DVL3: variants seen among roughly 807,000 people sequenced by gnomAD.
DVL3 encodes the protein dishevelled segment polarity protein 3, also known as segment polarity protein dishevelled homolog DVL-3.
DVL3 carries 27 observed loss-of-function variants against 67.4 expected under a neutral mutation model. The observed-to-expected ratio is 0.40, with a 90% CI of 0.30 to 0.55. The LOEUF is 0.55. Ranked by LOEUF, DVL3 falls within the 20% of genes least tolerant of loss-of-function variation. The pLI is 0.46. For synonymous variants in DVL3, 369 were observed against 396.8 expected, an observed-to-expected ratio of 0.93 and a Z score of 0.83; for missense variants, 819 against 1,021.5, an observed-to-expected ratio of 0.80 and a Z score of 2.70.
At position 184,166,516 on chromosome 3, in the gene DVL3, A is replaced by T; in HGVS notation, c.974A>T (p.Lys325Ile). 1 of 1,614,128 alleles carries T rather than the reference A, an allele frequency of 6.2e-7. No homozygotes were observed. Among genetic ancestry groups the T allele is most frequent in the Non-Finnish European group, 8.5e-7 (1 of 1,180,006 alleles). ...CGGGTACTGCGGGAGATTGTGCACA[A>T]ACCGGGGTATGGATGGAATGGGGCA... ...AVRVLREIVH[K>I]PGPITLTVAK... Residue 325 changes from lysine (K) to isoleucine (I), a missense_variant, in exon 9 of 15, where the codon AAA becomes ATA. Transcript: ENST00000313143. The surrounding 1 kb of genome is among the most constrained non-coding windows in gnomAD (Gnocchi z 6.7).
rs1714479596 is a variant in DVL3, at chr3:184,164,200, G to T, written c.232-67G>T. On this transcript the variant is annotated intron_variant, in intron 2 of 14. Transcript: ENST00000313143. The surrounding 1 kb of genome is among the most constrained non-coding windows in gnomAD (Gnocchi z 5.3). ...CCTCTTAGGCCTTCATGCCTTGCTGGAAGTGAACTATCCCCTTCTCCTTGA... is the reference window on the plus strand; with the variant it reads ...CCTCTTAGGCCTTCATGCCTTGCTGTAAGTGAACTATCCCCTTCTCCTTGA... The T allele has an allele frequency of 6.4e-7, 1 of 1,566,860 alleles. No homozygotes were observed. The highest frequency in any genetic ancestry group is 2.3e-5 in the East Asian group (1 of 44,348).
chr3:184,171,693 CA>C lies in DVL3; in HGVS notation c.*939del, dbSNP rs1714845778. On this transcript the variant is annotated 3_prime_UTR_variant, in exon 15 of 15. Transcript: ENST00000313143. Reference sequence around the variant, plus strand: ...CCCAAGGATGTCCAGCCCCCACACCCACACGTTAACATAATGAGTCACTAGG... The same window carrying C: ...CCCAAGGATGTCCAGCCCCCACACCCCACGTTAACATAATGAGTCACTAGG... 2.9e-6 allele frequency: 2 copies of C among 690,166 alleles called. No homozygotes were observed. The highest frequency in any genetic ancestry group is 1.9e-5 in the African/African-American group (1 of 51,346). 42.8% of individuals were successfully genotyped at this position (690,166 alleles called of 1,614,324 possible).
chr3:184,165,581 G>A lies in DVL3; in HGVS notation c.763+90G>A. On this transcript the variant is annotated intron_variant, in intron 7 of 14. Coordinates refer to ENST00000313143, the MANE Select transcript of DVL3 (RefSeq NM_004423.4). This position sits in a 1 kb window ranked among gnomAD's most constrained non-coding sequence, Gnocchi z 4.1. ...TCAGAGAGCGTAGAATATGTTCCCT[G>A]CCCTCAAGGAGCTCTCTTTCGTAAA... The A allele has an allele frequency of 7.0e-6, 8 of 1,150,800 alleles. No individual in the cohort carries two copies. The Admixed American group carries it at 7.2e-5, about 10-fold the overall frequency. The allele number at this position is 1,150,800 out of a possible 1,614,324, so 71.3% of individuals were successfully genotyped here. A position where few individuals can be genotyped will look rare whatever the true frequency, so the allele number is the denominator to read the frequency against.
chr3:184,169,515 C>G (rs1560120465), intron 13 of DVL3, among the ~76,000 whole-genome samples: 1 of 151,868 alleles, frequency 6.6e-6, no homozygotes. Flanking sequence ...GCTAACGTGG[C>G]AAAACCCTGT....
At position 184,165,272 on chromosome 3, in the gene DVL3, G is replaced by A; in HGVS notation, c.693+66G>A. The stretch of plus-strand genomic sequence containing the variant: ...GTGAGCCCTTCCTACGCAGGGCCAA[G>A]GCTTGTTCTTCCTTAGATCCCATCC... On this transcript the variant is annotated intron_variant, in intron 6 of 14. Coordinates refer to ENST00000313143, the MANE Select transcript of DVL3 (RefSeq NM_004423.4). This position sits in a 1 kb window ranked among gnomAD's most constrained non-coding sequence, Gnocchi z 4.1. The A allele has an allele frequency of 6.5e-7, 1 of 1,550,046 alleles. No homozygotes were observed. The highest frequency in any genetic ancestry group is 8.8e-7 in the Non-Finnish European group (1 of 1,139,784).
At chr3:184,158,742 C>T (rs536158670) in intron 1 of DVL3, among the ~76,000 whole-genome samples, 4 of 151,788 alleles carry the variant, frequency 2.6e-5, no homozygotes, top group Non-Finnish European at 5.9e-5. Context: ...ATTTGTCAAG[C>T]TCAGGGTAGG....
rs1714471272 is a variant in DVL3 at position 184,163,980 on chromosome 3, G to A, written c.231+254G>A. Among the ~76,000 whole-genome samples the A allele has an allele frequency of 6.6e-6, 1 of 152,042 alleles. No homozygotes were observed. The highest frequency in any genetic ancestry group is 2.4e-5 in the African/African-American group (1 of 41,394). Reference sequence around the variant, plus strand: ...CGTTTCCTATGCCGTTCAGACACTTGCCTCAGATTTCCTTCTGCCATCTGC... The same window carrying A: ...CGTTTCCTATGCCGTTCAGACACTTACCTCAGATTTCCTTCTGCCATCTGC... On this transcript the variant is annotated intron_variant, in intron 2 of 14. Coordinates refer to ENST00000313143, the MANE Select transcript of DVL3 (RefSeq NM_004423.4). This position sits in a 1 kb window ranked among gnomAD's most constrained non-coding sequence, Gnocchi z 4.5.
chr3:184,160,502 A>G (rs1714342738), intron 1 of DVL3, among the ~76,000 whole-genome samples: 1 of 151,542 alleles, frequency 6.6e-6, no homozygotes, highest in Non-Finnish European at 1.5e-5. Context: ...TTGGAATTTG[A>G]GTCATTATTT....
At chr3:184,160,682 C>G (rs973833924) in intron 1 of DVL3, among the ~76,000 whole-genome samples, 1 of 152,098 alleles carries the variant, frequency 6.6e-6, no homozygotes, top group Non-Finnish European at 1.5e-5. Flanking sequence ...TGTCGATGAC[C>G]CCCAGAAAGA....
chr3:184,164,305 C>T lies in DVL3; in HGVS notation c.270C>T (p.Pro90=), dbSNP rs545608557. 7 of 1,614,202 alleles carry T rather than the reference C, an allele frequency of 4.3e-6. No homozygotes were observed. The highest frequency in any genetic ancestry group is 1.1e-5 in the South Asian group (1 of 91,090). The change falls in exon 3 of 15, where the codon CCC becomes CCT. Residue 90 remains proline (P), a synonymous_variant. Transcript: ENST00000313143. This position sits in a 1 kb window ranked among gnomAD's most constrained non-coding sequence, Gnocchi z 5.3. ...AGGGCTCACACCCAGACCCAGCCCC[C>T]TTCTGTGCTGATAACCCATCGGAGC... The part of the protein sequence containing the change: ...SAEGSHPDPA[P]FCADNPSELP...
In DVL3 at chr3:184,165,262, G is replaced by A. The variant is rs558679891; in HGVS notation, c.693+56G>A. On this transcript the variant is annotated intron_variant, in intron 6 of 14. Transcript: ENST00000313143. The surrounding 1 kb of genome is among the most constrained non-coding windows in gnomAD (Gnocchi z 4.1). ...GAGGCAGATTGTGAGCCCTTCCTAC[G>A]CAGGGCCAAGGCTTGTTCTTCCTTA... The A allele has an allele frequency of 2.9e-3, 4,505 of 1,552,332 alleles. 11 individuals are homozygous for A. Among genetic ancestry groups the A allele is most frequent in the Non-Finnish European group, 3.3e-3 (3,797 of 1,142,414 alleles).
chr3:184,169,441 T>TCCCA (rs1714722894), intron 13 of DVL3, among the ~76,000 whole-genome samples: 1 of 152,114 alleles, frequency 6.6e-6, no homozygotes. Context: ...GCGCCTGTAA[T>TCCCA]CCCAGCCTTT....
At chr3:184,168,838 C>T (rs1251964363) in intron 13 of DVL3, among the ~76,000 whole-genome samples, 4 of 152,158 alleles carry the variant, frequency 2.6e-5, no homozygotes, top group African/African-American at 7.2e-5. Flanking sequence ...CAATGTAGTT[C>T]CAACATTGGT....
chr3:184,171,005 G>C lies in DVL3; in HGVS notation c.*250G>C, dbSNP rs1389980427. The C allele has an allele frequency of 3.4e-6, 5 of 1,457,796 alleles. No individual in the cohort carries two copies. In the East Asian group the frequency reaches 8.2e-5, roughly 24 times the overall value. The allele number at this position is 1,457,796 out of a possible 1,614,324, so 90.3% of individuals were successfully genotyped here. A position where few individuals can be genotyped will look rare whatever the true frequency, so the allele number is the denominator to read the frequency against. On this transcript the variant is annotated 3_prime_UTR_variant, in exon 15 of 15. Transcript: ENST00000313143. ...ACTAATCCCTGCGCAGGACTTCCCA[G>C]GACCCCTTTTGTCTCTGGGACCAGA...
chr3:184,156,889 G>T (rs1714214781), intron 1 of DVL3: 1 of 171,992 alleles, frequency 5.8e-6, no homozygotes, highest in African/African-American at 2.4e-5. Flanking sequence ...GCTCTTTGGA[G>T]CTGAGGCCCC....
At chr3:184,159,750 A>G (rs1297476228) in intron 1 of DVL3, among the ~76,000 whole-genome samples, 1 of 151,948 alleles carries the variant, frequency 6.6e-6, no homozygotes, top group Non-Finnish European at 1.5e-5. Flanking sequence ...GGCTCCAACC[A>G]CTTCCTGGAT....
At position 184,167,524 on chromosome 3, in the gene DVL3, T is replaced by C. The variant is rs1714639838; in HGVS notation, c.1199-56T>C. 6.4e-7 allele frequency: 1 copy of C among 1,555,242 alleles called. No individual in the cohort carries two copies. The highest frequency in any genetic ancestry group is 1.4e-5 in the African/African-American group (1 of 73,620). ...ATGGTAGAGCTAGAATGCAAACTCTTGTTTACCTAACTCCAAAGCCCCTTT... is the reference window on the plus strand; with the variant it reads ...ATGGTAGAGCTAGAATGCAAACTCTCGTTTACCTAACTCCAAAGCCCCTTT... On this transcript the variant is annotated intron_variant, in intron 11 of 14. Coordinates refer to ENST00000313143, the MANE Select transcript of DVL3 (RefSeq NM_004423.4). This position sits in a 1 kb window ranked among gnomAD's most constrained non-coding sequence, Gnocchi z 4.6.
At chr3:184,160,304 T>C (rs1714337936) in intron 1 of DVL3, among the ~76,000 whole-genome samples, 1 of 152,182 alleles carries the variant, frequency 6.6e-6, no homozygotes, top group African/African-American at 2.4e-5. Flanking sequence ...TTTATTTGCT[T>C]TGCCCTTAAT....
intron 13 of DVL3, 99 bp from the exon 14 acceptor site, chr3:184,169,907 C>T: frequency 8.7e-7 from 1 of 1,149,520 alleles, no homozygotes; most frequent in South Asian, 1.6e-5. Context: ...TCATTCTAGC[C>T]AGAAACTACC....
Sources: allele counts gnomAD v4.1 joint callset (sites outside exome capture counted in the v4.1 genomes callset), GRCh38; gene constraint gnomAD v4.1.1; non-coding constraint Gnocchi (gnomAD v3.1); transcripts MANE v1.5; gene names NCBI Gene and HGNC (gene_info 2026-07-23, HGNC 2026-07-21).